Variants in TNRC6A observed in about 807,000 individuals in gnomAD.
The protein encoded by TNRC6A is trinucleotide repeat containing adaptor 6A.
Under a neutral mutation model 221.2 loss-of-function variants are expected in TNRC6A, and 44 were observed. The observed-to-expected ratio is 0.20, with a 90% CI of 0.16 to 0.26. The LOEUF (loss-of-function observed/expected upper bound fraction) is 0.26, where lower values mean the gene tolerates loss of function less well. Among genes scored for constraint, TNRC6A ranks in the 10% least tolerant of loss-of-function variants. The probability of loss-of-function intolerance (pLI) is 1.00; values close to 1 mark genes in which losing one functional copy is unlikely to be tolerated. For missense variants in TNRC6A, 2,199 were observed against 2,404.4 expected (o/e 0.91, Z 1.79); for synonymous variants, 847 against 838.5 (o/e 1.01, Z -0.18).
At chr16:24,713,501 A>G (rs1190783544) in intron 2 of TNRC6A, among the ~76,000 whole-genome samples, 1 of 152,112 alleles carries the variant, frequency 6.6e-6, no homozygotes, top group Non-Finnish European at 1.5e-5. Context: ...TGCTTGAAAT[A>G]TGTTGCTCTA....
At chr16:24,650,533 C>T (rs550001988) in intron 2 of TNRC6A, among the ~76,000 whole-genome samples, 4 of 152,168 alleles carry the variant, frequency 2.6e-5, no homozygotes, top group African/African-American at 9.6e-5. Context: ...GGCACGGTGG[C>T]AGGTGCCTGT....
In TNRC6A at chr16:24,738,563, A is replaced by G. The variant is rs2056822183; in HGVS notation, c.53+8263A>G. On this transcript the variant is annotated intron_variant, in intron 2 of 24. Transcript: ENST00000395799. ...ATACTATATGATACTTTTGTACGTG[A>G]CTTGTCTTATTTAGTGTAGTGTTTT... Among the ~76,000 whole-genome samples the G allele has an allele frequency of 2.0e-5, 3 of 152,234 alleles. No homozygotes were observed. In the South Asian group the frequency reaches 6.2e-4, roughly 32 times the overall value.
intron 11 of TNRC6A, 125 bp downstream of exon 11, chr16:24,798,091 A>G (rs1370807286): frequency 4.8e-5 from 34 of 704,742 alleles, no homozygotes; most frequent in Non-Finnish European, 6.0e-5. Flanking sequence ...ATAGACGTAC[A>G]CATGCTGTGG....
chr16:24,723,395 A>G (rs1299101270), intron 2 of TNRC6A, among the ~76,000 whole-genome samples: 1 of 152,118 alleles, frequency 6.6e-6, no homozygotes, highest in African/African-American at 2.4e-5. Flanking sequence ...GGGGTTCAAG[A>G]TGAGCCTGGC....
chr16:24,707,567 A>G (rs2056121273), intron 2 of TNRC6A, among the ~76,000 whole-genome samples: 3 of 152,202 alleles, frequency 2.0e-5, no homozygotes, highest in Admixed American at 2.0e-4. Context: ...AAATGTCCTT[A>G]ATAAACAAAG....
intron 2 of TNRC6A, among the ~76,000 whole-genome samples, chr16:24,675,902 A>G (rs2055412448): frequency 6.6e-6 from 1 of 151,020 alleles, no homozygotes; most frequent in Non-Finnish European, 1.5e-5. Flanking sequence ...TCATCATCAC[A>G]GAGTCCAGGA....
intron 5 of TNRC6A, among the ~76,000 whole-genome samples, chr16:24,784,737 A>G (rs2042362510): frequency 6.6e-6 from 1 of 152,254 alleles, no homozygotes; most frequent in African/African-American, 2.4e-5. Flanking sequence ...TTCTAGATTA[A>G]AAATGGGATT....
chr16:24,675,015 A>C (rs991337141), intron 2 of TNRC6A, among the ~76,000 whole-genome samples: 3 of 152,094 alleles, frequency 2.0e-5, no homozygotes, highest in Non-Finnish European at 2.9e-5. Context: ...TTGTGGTGGC[A>C]TGCGTCTGTA....
intron 2 of TNRC6A, among the ~76,000 whole-genome samples, chr16:24,696,908 T>A (rs1245657075): frequency 6.6e-6 from 1 of 151,978 alleles, no homozygotes; most frequent in Non-Finnish European, 1.5e-5. Flanking sequence ...TGACCGGAGC[T>A]GAAGCAGTCA....
At chr16:24,616,245 G>C (rs556241212) in intron 1 of TNRC6A, among the ~76,000 whole-genome samples, 219 of 148,730 alleles carry the variant, frequency 1.5e-3, no homozygotes, top group African/African-American at 5.3e-3. Flanking sequence ...AGAATCACTT[G>C]AACCCGGGAG....
intron 9 of TNRC6A, among the ~76,000 whole-genome samples, chr16:24,796,926 G>C (rs943896054): frequency 6.6e-6 from 1 of 152,224 alleles, no homozygotes; most frequent in Non-Finnish European, 1.5e-5. Flanking sequence ...CAGAGAGCCA[G>C]CCCTAAGCAG....
intron 2 of TNRC6A, among the ~76,000 whole-genome samples, chr16:24,641,862 C>T (rs747419679): frequency 5.3e-5 from 8 of 152,110 alleles, no homozygotes; most frequent in Non-Finnish European, 8.8e-5. Context: ...CAAACAAATG[C>T]CATTGAACTC....
At chr16:24,694,792 G>GT (rs2055825693) in intron 2 of TNRC6A, among the ~76,000 whole-genome samples, 1 of 152,042 alleles carries the variant, frequency 6.6e-6, no homozygotes, top group Admixed American at 6.6e-5. Flanking sequence ...AATTAGCTGG[G>GT]TGTGGTGCTG....
intron 1 of TNRC6A, among the ~76,000 whole-genome samples, chr16:24,622,973 C>CA: frequency 6.6e-6 from 1 of 152,240 alleles, no homozygotes; most frequent in South Asian, 2.1e-4. Flanking sequence ...AACCAAAATA[C>CA]AAAAGCAATT....
chr16:24,686,777 G>A (rs1381832861), intron 2 of TNRC6A, among the ~76,000 whole-genome samples: 5 of 152,278 alleles, frequency 3.3e-5, no homozygotes, highest in South Asian at 2.1e-4. Context: ...TGGCGTCACC[G>A]TGGGAAGCCC....
At chr16:24,796,754 T>C (rs1162406232) in intron 9 of TNRC6A, among the ~76,000 whole-genome samples, 1 of 130,372 alleles carries the variant, frequency 7.7e-6, no homozygotes, top group Non-Finnish European at 1.7e-5. Flanking sequence ...AATGAAGTAA[T>C]GAAGGCAACA....
chr16:24,800,230 G>A (rs1357087279), intron 11 of TNRC6A, among the ~76,000 whole-genome samples: 1 of 152,148 alleles, frequency 6.6e-6, no homozygotes, highest in Non-Finnish European at 1.5e-5. Context: ...GAAGCCGCTC[G>A]CACTTTCACC....
At chr16:24,804,024 A>T (rs1211354974) in intron 11 of TNRC6A, 153 bp from the exon 12 acceptor site, 3 of 716,360 alleles carry the variant, frequency 4.2e-6, no homozygotes, top group Non-Finnish European at 6.4e-6. Flanking sequence ...TGAGGAATGC[A>T]AAATTTATGA....
At chr16:24,698,345 C>A (rs2055903489) in intron 2 of TNRC6A, among the ~76,000 whole-genome samples, 2 of 151,960 alleles carry the variant, frequency 1.3e-5, no homozygotes, top group South Asian at 4.2e-4. Context: ...TGCCTGAACC[C>A]CCCAAGATTG....
Sources: gnomAD v4.1 joint callset for allele counts (sites outside exome capture counted in the v4.1 genomes callset) on GRCh38, gnomAD v4.1.1 for gene constraint, MANE v1.5 for transcripts, NCBI Gene and HGNC (gene_info 2026-07-23, HGNC 2026-07-21) for gene names.